Variants in ROBO2 observed in about 807,000 individuals in gnomAD.
The protein encoded by ROBO2 is roundabout guidance receptor 2, also known as roundabout homolog 2.
Under a neutral mutation model 160.8 loss-of-function variants are expected in ROBO2, and 53 were observed. The ratio of observed to expected loss-of-function variants is 0.33; its 90% CI spans 0.26 to 0.41. ROBO2 has a LOEUF of 0.41. Ranked by LOEUF, ROBO2 falls within the 10% of genes least tolerant of loss-of-function variation. ROBO2 has a pLI of 1.00. For synonymous variants in ROBO2, 664 were observed against 611.7 expected (o/e 1.09, Z -1.26); for missense variants, 1,577 against 1,722.4 (o/e 0.92, Z 1.49).
intron 2 of ROBO2, among the ~76,000 whole-genome samples, chr3:76,428,143 G>C (rs748400170): frequency 2.0e-5 from 3 of 151,984 alleles, no homozygotes; most frequent in Non-Finnish European, 4.4e-5. Flanking sequence ...CTGTTCAGCA[G>C]GAAATATTAA....
At position 76,070,149 on chromosome 3, in the gene ROBO2, G is replaced by A. The variant is rs117504714; in HGVS notation, c.109+132547G>A. Among the ~76,000 whole-genome samples the A allele has an allele frequency of 7.4e-3, 1,125 of 152,262 alleles. 65 individuals carry two copies. In the East Asian group the frequency reaches 0.15, roughly 21 times the overall value. ...GGGTACCTTGAAAAAAGAACAAGGC[G>A]ACAGCAGTGTTTAGGAAACAACAGA... On this transcript the variant is annotated intron_variant, in intron 2 of 26. Coordinates refer to the ROBO2 transcript ENST00000487694.
intron 2 of ROBO2, among the ~76,000 whole-genome samples, chr3:76,713,923 T>C (rs1004628442): frequency 1.3e-5 from 2 of 151,838 alleles, no homozygotes; most frequent in African/African-American, 4.8e-5. Context: ...ATCAGGGTAG[T>C]TTCTTAAGTA....
At chr3:77,605,363 G>T (rs1261239250) in intron 20 of ROBO2, among the ~76,000 whole-genome samples, 1 of 152,054 alleles carries the variant, frequency 6.6e-6, no homozygotes, top group Non-Finnish European at 1.5e-5. Flanking sequence ...TCAAGGTTCA[G>T]ATCTCAGAGA....
intron 1 of ROBO2, among the ~76,000 whole-genome samples, chr3:77,061,311 GA>G (rs1168746841): frequency 1.3e-5 from 2 of 152,112 alleles, no homozygotes; most frequent in Non-Finnish European, 2.9e-5. Context: ...CATTAATTTG[GA>G]AGCCCTTTGT....
rs1043317104 is a variant in ROBO2, at chr3:76,331,613, C to T, written c.109+394011C>T. 5.3e-5 allele frequency among the ~76,000 whole-genome samples: 8 copies of T among 152,128 alleles called. No individual in the cohort carries two copies. The East Asian group carries it at 9.7e-4, about 18-fold the overall frequency. On this transcript the variant is annotated intron_variant, in intron 2 of 26. Transcript: ENST00000487694. ...AATATCCGGGCATCTTTGCAGTCTA[C>T]ATCACAGCTCCTTCTGAAATCCCAA...
intron 5 of ROBO2, among the ~76,000 whole-genome samples, chr3:77,519,083 G>A (rs2090327382): frequency 6.6e-6 from 1 of 151,260 alleles, no homozygotes; most frequent in African/African-American, 2.4e-5. Context: ...TTTATTAATT[G>A]TTAAGATTAA....
chr3:77,438,539 T>TACACACACAC (rs77955703), intron 2 of ROBO2, among the ~76,000 whole-genome samples: 32 of 147,192 alleles, frequency 2.2e-4, no homozygotes, highest in African/African-American at 8.0e-4. Flanking sequence ...GAGAAGGGGA[T>TACACACACAC]ACACACACAC....
upstream of ROBO2, among the ~76,000 whole-genome samples, chr3:77,036,494 A>T (rs1019860564): frequency 2.0e-5 from 3 of 152,072 alleles, no homozygotes; most frequent in Admixed American, 1.3e-4. Flanking sequence ...GATTTCCTTC[A>T]TATGGTTATT....
intron 2 of ROBO2, among the ~76,000 whole-genome samples, chr3:76,258,912 A>G (rs946473913): frequency 2.2e-4 from 34 of 152,046 alleles, no homozygotes; most frequent in Admixed American, 1.5e-3. Context: ...AGCAATGACT[A>G]TTGTTTCCTT....
At chr3:77,587,925 A>C (rs1292478862) in intron 16 of ROBO2, among the ~76,000 whole-genome samples, 2 of 152,118 alleles carry the variant, frequency 1.3e-5, no homozygotes, top group African/African-American at 4.8e-5. Flanking sequence ...TGATTCCACA[A>C]GTTTAAGACC....
At position 76,826,431 on chromosome 3, in the gene ROBO2, G is replaced by C. The variant is rs2109237828; in HGVS notation, c.110-271583G>C. Among the ~76,000 whole-genome samples the C allele has an allele frequency of 1.3e-5, 2 of 152,184 alleles. 1 individual carries two copies. Among genetic ancestry groups the C allele is most frequent in the South Asian group, 4.1e-4 (2 of 4,828 alleles). The stretch of plus-strand genomic sequence containing the variant: ...TTACCCTCCAGTAATCAGTGGATGA[G>C]TTTATTTATTATTACGTCATAGCAC... On this transcript the variant is annotated intron_variant, in intron 2 of 26. Transcript: ENST00000487694.
chr3:76,031,809 T>A (rs996564790), intron 2 of ROBO2, among the ~76,000 whole-genome samples: 23 of 152,162 alleles, frequency 1.5e-4, no homozygotes, highest in African/African-American at 4.6e-4. Flanking sequence ...ATCAGGGATA[T>A]TGGTCTAAAA....
chr3:77,346,289 A>G (rs923948599), intron 2 of ROBO2, among the ~76,000 whole-genome samples: 16 of 152,154 alleles, frequency 1.1e-4, no homozygotes, highest in Admixed American at 7.9e-4. Context: ...AGCTAAATGT[A>G]CATTTAAACT....
intron 6 of ROBO2, among the ~76,000 whole-genome samples, chr3:77,539,908 C>A (rs76673560): frequency 0.1 from 15,918 of 152,120 alleles, 1,107 homozygotes; most frequent in South Asian, 0.16. Context: ...TAATTGATAT[C>A]GGGGTGGGTT....
intron 2 of ROBO2, among the ~76,000 whole-genome samples, chr3:77,340,649 A>G (rs1372850921): frequency 6.6e-6 from 1 of 152,154 alleles, no homozygotes; most frequent in African/African-American, 2.4e-5. Context: ...GTACGTATTC[A>G]TAGGAGCCAT....
chr3:76,654,656 C>T (rs192873265), intron 2 of ROBO2, among the ~76,000 whole-genome samples: 1 of 151,886 alleles, frequency 6.6e-6, no homozygotes, highest in Non-Finnish European at 1.5e-5. Context: ...TCTGTGCTCA[C>T]TTGGAAGGAG....
At chr3:76,260,235 C>G (rs992116721) in intron 2 of ROBO2, among the ~76,000 whole-genome samples, 18 of 152,156 alleles carry the variant, frequency 1.2e-4, no homozygotes, top group African/African-American at 4.1e-4. Context: ...TAGAGAGATG[C>G]AGTCACTTTA....
chr3:76,079,566 C>A (rs562312269), intron 2 of ROBO2, among the ~76,000 whole-genome samples: 1 of 151,382 alleles, frequency 6.6e-6, no homozygotes, highest in African/African-American at 2.4e-5. Flanking sequence ...TCACTGCAAC[C>A]TCCGCCTCCC....
At chr3:77,581,438 C>T (rs906367701) in intron 16 of ROBO2, among the ~76,000 whole-genome samples, 9 of 151,952 alleles carry the variant, frequency 5.9e-5, no homozygotes, top group African/African-American at 1.9e-4. Flanking sequence ...AGCTTTTATG[C>T]GGAGGTCTAT....
Sources: allele counts gnomAD v4.1 joint callset (sites outside exome capture counted in the v4.1 genomes callset), GRCh38; gene constraint gnomAD v4.1.1; transcripts MANE v1.5; gene names NCBI Gene and HGNC (gene_info 2026-07-23, HGNC 2026-07-21).